Variants in HMOX2 observed in about 807,000 individuals in gnomAD.
The protein encoded by HMOX2 is heme oxygenase (decycling) 2.
HMOX2 carries 30 observed loss-of-function variants against 33.7 expected under a neutral mutation model. The ratio of observed to expected loss-of-function variants is 0.89; its 90% confidence interval spans 0.67 to 1.21. The LOEUF (loss-of-function observed/expected upper bound fraction) is 1.21, where lower values mean the gene tolerates loss of function less well. HMOX2 is among the 50% of genes most tolerant of loss of function. The probability of loss-of-function intolerance (pLI) is 0.00; values close to 1 mark genes in which losing one functional copy is unlikely to be tolerated. For missense variants in HMOX2, 403 were observed against 399.1 expected (o/e 1.01, Z -0.08); for synonymous variants, 155 against 155.0 (o/e 1.00, Z 0.00).
chr16:4,501,416 CTGT>C (rs1418511050), intron 1 of HMOX2, among the ~76,000 whole-genome samples: 1 of 152,178 alleles, frequency 6.6e-6, no homozygotes, highest in African/African-American at 2.4e-5. Context: ...CCATTGTTGA[CTGT>C]TGTTTGAGCA....
At chr16:4,495,790 C>A in intron 1 of HMOX2, 1 of 152,182 alleles carries the variant, frequency 6.6e-6, no homozygotes, top group African/African-American at 2.4e-5. Flanking sequence ...GCAGTGGGTG[C>A]TATAGAGATG....
At chr16:4,477,822 G>C (rs2141497434) in intron 1 of HMOX2, among the ~76,000 whole-genome samples, 1 of 152,334 alleles carries the variant, frequency 6.6e-6, no homozygotes, top group Non-Finnish European at 1.5e-5. Flanking sequence ...TGGGGAGTTT[G>C]AGGTTGGAGG....
chr16:4,479,634 C>G (rs994318377), intron 1 of HMOX2: 6 of 151,602 alleles, frequency 4.0e-5, no homozygotes, highest in African/African-American at 9.7e-5. Context: ...GGCCTAATTA[C>G]TGTCATAGTT....
chr16:4,478,882 C>T (rs1291132022), intron 1 of HMOX2, among the ~76,000 whole-genome samples: 1 of 152,090 alleles, frequency 6.6e-6, no homozygotes, highest in Non-Finnish European at 1.5e-5. Context: ...AGACTGGGTG[C>T]GGTGGCTCAC....
chr16:4,504,963 C>A (rs1033642053), intron 1 of HMOX2, among the ~76,000 whole-genome samples: 10 of 152,208 alleles, frequency 6.6e-5, no homozygotes, highest in Non-Finnish European at 1.5e-5. Flanking sequence ...GCATGAGCCA[C>A]TGTGCCCTGC....
intron 1 of HMOX2, among the ~76,000 whole-genome samples, chr16:4,485,272 T>G (rs2058139022): frequency 6.6e-6 from 1 of 152,084 alleles, no homozygotes; most frequent in Admixed American, 6.6e-5. Flanking sequence ...GGCCTTTTTC[T>G]GAATATTTTT....
chr16:4,496,122 CT>C, intron 1 of HMOX2: 1 of 95,156 alleles, frequency 1.1e-5, no homozygotes, highest in Non-Finnish European at 1.9e-5. Flanking sequence ...GCTCACTTTT[CT>C]TTCTTTTTTT....
chr16:4,491,237 C>T (rs2058298129), intron 1 of HMOX2, among the ~76,000 whole-genome samples: 1 of 152,178 alleles, frequency 6.6e-6, no homozygotes, highest in Non-Finnish European at 1.5e-5. Flanking sequence ...AAAAGTGTGT[C>T]CTGTCTTCCA....
chr16:4,493,162 T>C (rs1166430662), intron 1 of HMOX2, among the ~76,000 whole-genome samples: 1 of 152,092 alleles, frequency 6.6e-6, no homozygotes, highest in African/African-American at 2.4e-5. Flanking sequence ...GCCTCCTAAG[T>C]GGATGTGACC....
chr16:4,492,209 A>G (rs1222631865), intron 1 of HMOX2, among the ~76,000 whole-genome samples: 1 of 151,966 alleles, frequency 6.6e-6, no homozygotes. Context: ...TGGTGCGCAC[A>G]TGTAGTCCTA....
Position 4,505,510 on chromosome 16 carries a change from C to A in HMOX2, c.-15C>A, listed in dbSNP as rs766284992. The A allele has an allele frequency of 6.3e-7, 1 of 1,598,294 alleles. No individual in the cohort carries two copies. The highest frequency in any genetic ancestry group is 1.1e-5 in the South Asian group (1 of 89,256). ...ACCAGAGGAGCGAGAGCAGCAAGAACCACACCCAGCAGCAATGTCAGCGGA... is the reference window on the plus strand; with the variant it reads ...ACCAGAGGAGCGAGAGCAGCAAGAAACACACCCAGCAGCAATGTCAGCGGA... On this transcript the variant is annotated 5_prime_UTR_variant, in exon 2 of 6. Coordinates refer to ENST00000570646, the MANE Select transcript of HMOX2 (RefSeq NM_002134.4).
At chr16:4,491,051 C>T (rs1280232016) in intron 1 of HMOX2, among the ~76,000 whole-genome samples, 1 of 152,212 alleles carries the variant, frequency 6.6e-6, no homozygotes, top group African/African-American at 2.4e-5. Flanking sequence ...TGTCTGCAAA[C>T]ATTTCCACGT....
chr16:4,487,944 T>G (rs148366555), intron 1 of HMOX2, among the ~76,000 whole-genome samples: 2 of 125,746 alleles, frequency 1.6e-5, no homozygotes, highest in East Asian at 4.5e-4. Flanking sequence ...AGAGCGAAAC[T>G]CTGTCTCAAA....
intron 1 of HMOX2, among the ~76,000 whole-genome samples, chr16:4,483,091 G>A (rs1416016154): frequency 1.3e-5 from 2 of 151,910 alleles, no homozygotes; most frequent in Non-Finnish European, 2.9e-5. Flanking sequence ...TGTAGGAAGA[G>A]GCATGAAGCT....
intron 1 of HMOX2, among the ~76,000 whole-genome samples, chr16:4,504,394 C>G (rs1266372026): frequency 1.1e-5 from 1 of 92,492 alleles, no homozygotes; most frequent in African/African-American, 4.1e-5. Context: ...GAGTTTCACT[C>G]TTATTGCCCA....
chr16:4,496,866 T>TA (rs1011449159), intron 1 of HMOX2: 91 of 149,724 alleles, frequency 6.1e-4, no homozygotes, highest in African/African-American at 2.1e-3. Flanking sequence ...TTATTATTAT[T>TA]TTTTTTTTTG....
intron 1 of HMOX2, among the ~76,000 whole-genome samples, chr16:4,484,989 G>A (rs1333568183): frequency 6.6e-6 from 1 of 151,382 alleles, no homozygotes; most frequent in Non-Finnish European, 1.5e-5. Context: ...TGATTGAGAC[G>A]GCATCTCACT....
At position 4,493,295 on chromosome 16, in the gene HMOX2, A is replaced by G. The variant is rs79446453; in HGVS notation, c.-41-12189A>G. Among the ~76,000 whole-genome samples the G allele has an allele frequency of 2.6e-3, 395 of 152,264 alleles. 1 individual carries two copies. The highest frequency in any genetic ancestry group is 8.4e-3 in the African/African-American group (351 of 41,554). On this transcript the variant is annotated intron_variant, in intron 1 of 5. Coordinates refer to ENST00000570646, the MANE Select transcript of HMOX2 (RefSeq NM_002134.4). ...AGTCTCAAACTCCTAGGCTCAAGCA[A>G]TCCTCCTGCCTTGGCTTCTCAAAGT...
chr16:4,501,976 A>G (rs1004473167), intron 1 of HMOX2, among the ~76,000 whole-genome samples: 1 of 152,168 alleles, frequency 6.6e-6, no homozygotes, highest in African/African-American at 2.4e-5. Flanking sequence ...AGAACTCAGT[A>G]TTCTTCCTGT....
Sources: gnomAD v4.1 joint callset for allele counts (sites outside exome capture counted in the v4.1 genomes callset) on GRCh38, gnomAD v4.1.1 for gene constraint, MANE v1.5 for transcripts, NCBI Gene and HGNC (gene_info 2026-07-23, HGNC 2026-07-21) for gene names.